Variants in SH3GL2 observed in about 807,000 individuals in gnomAD.
SH3GL2 encodes endophilin-A1.
A neutral mutation model predicts 46.0 loss-of-function variants in SH3GL2; 24 were observed. That is an observed-to-expected ratio of 0.52 (90% confidence interval 0.38 to 0.73). The LOEUF (loss-of-function observed/expected upper bound fraction) is 0.73. SH3GL2 is among the 30% of genes least tolerant of loss of function. The probability of loss-of-function intolerance (pLI) is 0.00; values close to 1 mark genes in which losing one functional copy is unlikely to be tolerated. For missense variants in SH3GL2, 413 were observed against 424.2 expected, an observed-to-expected ratio of 0.97 and a Z score of 0.23; for synonymous variants, 196 against 147.1, an observed-to-expected ratio of 1.33 and a Z score of -2.40.
chr9:17,583,033 C>T (rs980165338), intron 1 of SH3GL2, among the ~76,000 whole-genome samples: 1 of 152,114 alleles, frequency 6.6e-6, no homozygotes, highest in African/African-American at 2.4e-5. Context: ...CCCCTATTTC[C>T]AAATAAAGTT....
chr9:17,761,385 A>G, intron 2 of SH3GL2, 52 bp from the exon 3 acceptor site: 5 of 1,162,992 alleles, frequency 4.3e-6, no homozygotes, highest in Non-Finnish European at 6.5e-6. Context: ...AAAAACCGGT[A>G]TTCTAAAGCT....
In SH3GL2 at chr9:17,758,273, C is replaced by A. The variant is rs909517962; in HGVS notation, c.115-3164C>A. ...TATCAAGTAATTATCTGTAAGAATG[C>A]AGCCATGCCTGGTGCAGTGACTCAT... On this transcript the variant is annotated intron_variant, in intron 2 of 8. Coordinates refer to ENST00000380607, the MANE Select transcript of SH3GL2 (RefSeq NM_003026.5). Among the ~76,000 whole-genome samples the A allele has an allele frequency of 3.3e-5, 5 of 152,010 alleles. No homozygotes were observed. The East Asian group carries it at 7.8e-4, about 24-fold the overall frequency.
intron 5 of SH3GL2, among the ~76,000 whole-genome samples, chr9:17,787,963 T>C (rs1332071262): frequency 1.3e-5 from 2 of 152,166 alleles, no homozygotes; most frequent in Non-Finnish European, 2.9e-5. Context: ...ATGGATGTTA[T>C]GTGTTTTTAT....
At chr9:17,673,389 C>T (rs943328942) in intron 1 of SH3GL2, among the ~76,000 whole-genome samples, 2 of 150,554 alleles carry the variant, frequency 1.3e-5, no homozygotes, top group South Asian at 2.1e-4. Context: ...CAGGCTCAAG[C>T]GATCTGCCTG....
At chr9:17,586,219 C>G (rs1250177187) in intron 1 of SH3GL2, among the ~76,000 whole-genome samples, 1 of 152,094 alleles carries the variant, frequency 6.6e-6, no homozygotes, top group African/African-American at 2.4e-5. Flanking sequence ...ACCCTAATCT[C>G]CCTCCGCCAT....
chr9:17,775,777 G>A (rs981405063), intron 3 of SH3GL2, among the ~76,000 whole-genome samples: 2 of 152,120 alleles, frequency 1.3e-5, no homozygotes, highest in South Asian at 2.1e-4. Flanking sequence ...AAAGCCATTA[G>A]GTTTCCCCCA....
intron 2 of SH3GL2, among the ~76,000 whole-genome samples, chr9:17,749,516 T>G (rs960610588): frequency 1.1e-4 from 17 of 152,148 alleles, no homozygotes; most frequent in Non-Finnish European, 1.5e-4. Context: ...AATGAAAGAT[T>G]AGGCAGGTAT....
intron 2 of SH3GL2, among the ~76,000 whole-genome samples, chr9:17,754,439 T>A (rs1249781894): frequency 4.6e-5 from 7 of 152,062 alleles, no homozygotes; most frequent in Non-Finnish European, 8.8e-5. Flanking sequence ...TTTGGGAGGC[T>A]GAGGTGGGCA....
chr9:17,633,511 A>G (rs1470220886), intron 1 of SH3GL2, among the ~76,000 whole-genome samples: 1 of 152,234 alleles, frequency 6.6e-6, no homozygotes, highest in Non-Finnish European at 1.5e-5. Context: ...TTAATATAAG[A>G]AAGTGTAAAT....
At chr9:17,646,103 A>C (rs1819810204) in intron 1 of SH3GL2, among the ~76,000 whole-genome samples, 1 of 151,510 alleles carries the variant, frequency 6.6e-6, no homozygotes, top group African/African-American at 2.4e-5. Flanking sequence ...TCTTGTCTTC[A>C]TGCTTTATTT....
At chr9:17,642,893 T>C (rs1305168372) in intron 1 of SH3GL2, among the ~76,000 whole-genome samples, 2 of 152,184 alleles carry the variant, frequency 1.3e-5, no homozygotes, top group African/African-American at 4.8e-5. Context: ...ATTTTCTAAT[T>C]CTGTGAAGTA....
chr9:17,771,352 A>T (rs1823474975), intron 3 of SH3GL2, among the ~76,000 whole-genome samples: 1 of 152,190 alleles, frequency 6.6e-6, no homozygotes, highest in African/African-American at 2.4e-5. Flanking sequence ...ACAGTGCCTG[A>T]CACTTAGTAG....
intron 1 of SH3GL2, among the ~76,000 whole-genome samples, chr9:17,709,232 G>A (rs146405972): frequency 6.6e-6 from 1 of 152,104 alleles, no homozygotes; most frequent in East Asian, 1.9e-4. Context: ...TGGTTTATTT[G>A]TATACTACTT....
At chr9:17,698,873 C>T (rs1225046479) in intron 1 of SH3GL2, among the ~76,000 whole-genome samples, 1 of 151,918 alleles carries the variant, frequency 6.6e-6, no homozygotes, top group Non-Finnish European at 1.5e-5. Context: ...AAATCAAATA[C>T]AGGCCAGGCG....
Position 17,641,483 on chromosome 9 carries a change from G to A in SH3GL2, c.45+62196G>A, listed in dbSNP as rs148506650. 2.5e-3 allele frequency among the ~76,000 whole-genome samples: 383 copies of A among 152,124 alleles called. 1 individual carries two copies. Among genetic ancestry groups the A allele is most frequent in the African/African-American group, 8.7e-3 (363 of 41,488 alleles). On this transcript the variant is annotated intron_variant, in intron 1 of 8. Transcript: ENST00000380607. Reference sequence around the variant, plus strand: ...TACTTTAAGTTCTGGGATACATGTGGAGAATGTGCAGGTTTGTTACATTGA... The same window carrying A: ...TACTTTAAGTTCTGGGATACATGTGAAGAATGTGCAGGTTTGTTACATTGA...
intron 2 of SH3GL2, among the ~76,000 whole-genome samples, chr9:17,755,533 C>T (rs142931046): frequency 2.5e-4 from 38 of 152,248 alleles, no homozygotes; most frequent in African/African-American, 8.9e-4. Context: ...AACTCCTGGC[C>T]TTAAGCAATC....
intron 1 of SH3GL2, among the ~76,000 whole-genome samples, chr9:17,593,745 C>T (rs902371597): frequency 2.0e-5 from 3 of 152,088 alleles, no homozygotes; most frequent in African/African-American, 2.4e-5. Context: ...GCCCGATGTT[C>T]AGAAAGGAGG....
At chr9:17,580,247 G>C (rs1818253029) in intron 1 of SH3GL2, among the ~76,000 whole-genome samples, 1 of 152,078 alleles carries the variant, frequency 6.6e-6, no homozygotes, top group Admixed American at 6.6e-5. Flanking sequence ...ATGACTTACC[G>C]CGAAATGTTT....
At chr9:17,653,908 G>T (rs941044597) in intron 1 of SH3GL2, 7 of 935,486 alleles carry the variant, frequency 7.5e-6, no homozygotes, top group Non-Finnish European at 8.9e-6. Flanking sequence ...CTTCAAACAG[G>T]TAGAAAACAT....
Sources: gnomAD v4.1 joint callset for allele counts (sites outside exome capture counted in the v4.1 genomes callset) on GRCh38, gnomAD v4.1.1 for gene constraint, MANE v1.5 for transcripts, NCBI Gene and HGNC (gene_info 2026-07-23, HGNC 2026-07-21) for gene names.